TMC5: variants seen among roughly 807,000 people sequenced by gnomAD.
TMC5 encodes the protein transmembrane channel-like protein 5.
A neutral mutation model predicts 110.5 loss-of-function variants in TMC5; 86 were observed. The ratio of observed to expected loss-of-function variants is 0.78; its 90% CI spans 0.65 to 0.93. TMC5 has a LOEUF of 0.93. Among genes scored for constraint, TMC5 ranks in the 40% least tolerant of loss-of-function variants. TMC5 has a pLI of 0.00. For missense variants in TMC5, 1,144 were observed against 1,222.8 expected, an observed-to-expected ratio of 0.94 and a Z score of 0.96; for synonymous variants, 455 against 439.5, an observed-to-expected ratio of 1.04 and a Z score of -0.44.
At chr16:19,431,328 G>A (rs1967192057) in intron 2 of TMC5, among the ~76,000 whole-genome samples, 1 of 152,038 alleles carries the variant, frequency 6.6e-6, no homozygotes, top group Admixed American at 6.6e-5. Context: ...ATTGCCTGAG[G>A]TCAGGACTTC....
intron 17 of TMC5, 148 bp from the exon 18 acceptor site, chr16:19,490,247 G>A: frequency 1.3e-6 from 1 of 779,832 alleles, no homozygotes; most frequent in East Asian, 2.5e-5. Flanking sequence ...AAGGCTGAGA[G>A]CAAGAGGGTT....
At chr16:19,487,579 G>A (rs1276295089) in intron 17 of TMC5, among the ~76,000 whole-genome samples, 2 of 152,076 alleles carry the variant, frequency 1.3e-5, no homozygotes, top group African/African-American at 2.4e-5. Flanking sequence ...GTGCATGCCT[G>A]TAATCCCAGC....
intron 1 of TMC5, among the ~76,000 whole-genome samples, chr16:19,418,483 C>T (rs1461691617): frequency 6.6e-5 from 10 of 152,052 alleles, no homozygotes; most frequent in East Asian, 3.9e-4. Context: ...ACGACAAACA[C>T]GCAATAAATG....
At chr16:19,492,669 C>T (rs1968937136) in intron 19 of TMC5, among the ~76,000 whole-genome samples, 1 of 151,766 alleles carries the variant, frequency 6.6e-6, no homozygotes, top group Admixed American at 6.6e-5. Context: ...TGGTCTCGAA[C>T]TGCTGACCTC....
At chr16:19,460,185 C>A in intron 5 of TMC5, 50 bp from the exon 6 acceptor site, 3 of 1,440,032 alleles carry the variant, frequency 2.1e-6, no homozygotes, top group East Asian at 2.3e-5. Context: ...TTCAGTGTTA[C>A]GATTCTGTTA....
At chr16:19,445,876 G>C (rs1329183380) in intron 4 of TMC5, among the ~76,000 whole-genome samples, 1 of 151,922 alleles carries the variant, frequency 6.6e-6, no homozygotes, top group East Asian at 1.9e-4. Flanking sequence ...TTAGCTGGGC[G>C]TGGTGGCACA....
At chr16:19,449,513 C>G (rs191832505) in intron 4 of TMC5, 29 bp from the exon 5 acceptor site, 4 of 1,582,834 alleles carry the variant, frequency 2.5e-6, no homozygotes, top group East Asian at 2.2e-5. Context: ...TGAGACTAAT[C>G]GGCAATATCT....
At chr16:19,479,615 A>C in intron 14 of TMC5, 87 bp downstream of exon 14, 1 of 914,882 alleles carries the variant, frequency 1.1e-6, no homozygotes, top group Non-Finnish European at 1.8e-6. Context: ...CAGGTGCCTG[A>C]CATACTCAAA....
Position 19,459,079 on chromosome 16 carries a change from C to T in TMC5, c.1049-1156C>T, listed in dbSNP as rs114194571. Reference sequence around the variant, plus strand: ...TTTTTGAGAAGGAAGAAATATTTTCCGAGAAATTTCTCAGCACACACCTCT... The same window carrying T: ...TTTTTGAGAAGGAAGAAATATTTTCTGAGAAATTTCTCAGCACACACCTCT... On this transcript the variant is annotated intron_variant, in intron 5 of 21. Transcript: ENST00000542583. Among the ~76,000 whole-genome samples the T allele has an allele frequency of 5.0e-3, 763 of 151,412 alleles. 6 individuals are homozygous for T. Among genetic ancestry groups the T allele is most frequent in the African/African-American group, 0.018 (728 of 41,170 alleles).
chr16:19,468,085 C>G (rs985481143), intron 9 of TMC5, among the ~76,000 whole-genome samples: 28 of 152,120 alleles, frequency 1.8e-4, no homozygotes, highest in South Asian at 1.0e-3. Context: ...AGTGATTCTC[C>G]TGTCTCAGCC....
Position 19,487,264 on chromosome 16 carries a change from C to T in TMC5, c.2511C>T (p.Ile837=). ...CCTCACAGATGATGACTTTCTTCATCTTCTTGCTCTTTTTCCCATCCTTCA... is the reference window on the plus strand; with the variant it reads ...CCTCACAGATGATGACTTTCTTCATTTTCTTGCTCTTTTTCCCATCCTTCA... ...WRASQMMTFF[I]FLLFFPSFTG... is the part of the protein sequence containing the mutation. Residue 837 remains isoleucine, a synonymous_variant, in exon 17 of 22, where the codon ATC becomes ATT. Coordinates refer to ENST00000542583, the MANE Select transcript of TMC5 (RefSeq NM_001261841.2). 2 of 1,614,182 alleles carry T rather than the reference C, an allele frequency of 1.2e-6. No homozygotes were observed. Among genetic ancestry groups the T allele is most frequent in the Non-Finnish European group, 1.7e-6 (2 of 1,180,034 alleles).
At chr16:19,435,211 G>A (rs11645721) in intron 2 of TMC5, among the ~76,000 whole-genome samples, 22,614 of 151,916 alleles carry the variant, frequency 0.15, 1,981 homozygotes, top group Non-Finnish European at 0.19. Context: ...AGGAGTATAG[G>A]CCAGGCGCAG....
intron 5 of TMC5, chr16:19,456,965 C>T: frequency 6.2e-7 from 1 of 1,614,114 alleles, no homozygotes. Flanking sequence ...CCTTCATAGC[C>T]TAGAATGCAT....
chr16:19,497,104 GTTT>G lies in TMC5; in HGVS notation c.2932-12_2932-10del. The G allele has an allele frequency of 6.2e-7, 1 of 1,613,772 alleles. No homozygotes were observed. Among genetic ancestry groups the G allele is most frequent in the African/African-American group, 1.3e-5 (1 of 75,004 alleles). On this transcript the variant is annotated splice_polypyrimidine_tract_variant and intron_variant, in intron 20 of 21. Coordinates refer to ENST00000542583, the MANE Select transcript of TMC5 (RefSeq NM_001261841.2). ...TTCTTCCTCCGTGACGTGGCTGCTT[GTTT>G]TTTTCTTTTTCAGCAACAAGGCTTT...
chr16:19,469,987 C>G (rs184667270), intron 10 of TMC5, among the ~76,000 whole-genome samples, 162 bp downstream of exon 10: 4 of 151,846 alleles, frequency 2.6e-5, no homozygotes, highest in African/African-American at 7.3e-5. Flanking sequence ...CTCCGCCTCC[C>G]GGGTTCACGC....
At chr16:19,438,678 C>T (rs1328860452) in intron 2 of TMC5, among the ~76,000 whole-genome samples, 4 of 152,084 alleles carry the variant, frequency 2.6e-5, no homozygotes, top group South Asian at 2.1e-4. Flanking sequence ...ACCTAGGAGG[C>T]GGAGGTTGCA....
intron 5 of TMC5, among the ~76,000 whole-genome samples, chr16:19,455,971 G>T (rs899656102): frequency 6.6e-6 from 1 of 152,128 alleles, no homozygotes; most frequent in Non-Finnish European, 1.5e-5. Context: ...ACTTTGGGAG[G>T]CCGAGGCAGG....
intron 12 of TMC5, among the ~76,000 whole-genome samples, chr16:19,475,034 C>T (rs984299170): frequency 1.3e-5 from 2 of 152,176 alleles, no homozygotes; most frequent in Non-Finnish European, 2.9e-5. Flanking sequence ...TAGAAGTGAT[C>T]CCAGAGTTTT....
chr16:19,473,658 G>T (rs1968408283), intron 11 of TMC5, among the ~76,000 whole-genome samples: 1 of 152,048 alleles, frequency 6.6e-6, no homozygotes, highest in Admixed American at 6.6e-5. Flanking sequence ...CTTGGCACGG[G>T]GTAAGGAAAT....
Sources: gnomAD v4.1 joint callset for allele counts (sites outside exome capture counted in the v4.1 genomes callset) on GRCh38, gnomAD v4.1.1 for gene constraint, MANE v1.5 for transcripts, NCBI Gene and HGNC (gene_info 2026-07-23, HGNC 2026-07-21) for gene names.